ZNF787: variants seen among roughly 807,000 people sequenced by gnomAD.
ZNF787 encodes zinc finger protein 787.
Under a neutral mutation model 16.9 loss-of-function variants are expected in ZNF787, and 7 were observed. That is an observed-to-expected ratio of 0.42 (90% CI 0.24 to 0.78). The LOEUF (loss-of-function observed/expected upper bound fraction) is 0.78, where lower values mean the gene tolerates loss of function less well. ZNF787 is among the 30% of genes least tolerant of loss of function. The pLI is 0.30. For missense variants in ZNF787, 551 were observed against 589.3 expected (o/e 0.94, Z 0.67); for synonymous variants, 345 against 270.9 (o/e 1.27, Z -2.69).
At chr19:56,098,606 T>C (rs1985963780) in intron 2 of ZNF787, among the ~76,000 whole-genome samples, 1 of 140,958 alleles carries the variant, frequency 7.1e-6, no homozygotes, top group Admixed American at 6.9e-5. Context: ...CGCAGGGTGA[T>C]GCCGCCCGGG....
Position 56,088,115 on chromosome 19 carries a change from T to C in ZNF787, c.1057A>G (p.Ser353Gly). Residue 353 changes from serine to glycine, a missense_variant, in exon 3 of 3, where the codon AGC becomes GGC. Coordinates refer to ENST00000610935, the MANE Select transcript of ZNF787 (RefSeq NM_001002836.4). This position sits in a 1 kb window ranked among gnomAD's most constrained non-coding sequence, Gnocchi z 8.6. The part of the protein sequence containing the change: ...APSVCSSCGQ[S>G]YYRAGGEEED... Reference sequence around the variant, plus strand: ...TCCTCCCCGCCCGCGCGGTAGTAGCTCTGTCCGCAGCTGCTGCAGACCGAG... The same window carrying C: ...TCCTCCCCGCCCGCGCGGTAGTAGCCCTGTCCGCAGCTGCTGCAGACCGAG... 6.5e-7 allele frequency: 1 copy of C among 1,537,320 alleles called. No individual in the cohort carries two copies. Among genetic ancestry groups the C allele is most frequent in the Non-Finnish European group, 8.7e-7 (1 of 1,148,392 alleles).
At chr19:56,118,877 T>C (rs144687439) in intron 1 of ZNF787, among the ~76,000 whole-genome samples, 43 of 152,272 alleles carry the variant, frequency 2.8e-4, no homozygotes, top group African/African-American at 7.7e-4. Context: ...GGCCTTGAGC[T>C]GTGACCCCTG....
intron 1 of ZNF787, among the ~76,000 whole-genome samples, chr19:56,111,510 G>A (rs1395720249): frequency 6.6e-6 from 1 of 152,164 alleles, no homozygotes; most frequent in East Asian, 1.9e-4. Context: ...GAGACCTCCA[G>A]GAAAGGAAGA....
intron 1 of ZNF787, among the ~76,000 whole-genome samples, chr19:56,104,888 A>C (rs894239234): frequency 6.6e-6 from 1 of 151,626 alleles, no homozygotes; most frequent in African/African-American, 2.4e-5. Flanking sequence ...CAGCACTTTG[A>C]GAGGCCAAAG....
intron 2 of ZNF787, among the ~76,000 whole-genome samples, chr19:56,093,062 C>T (rs535636495): frequency 1.1e-4 from 17 of 151,110 alleles, no homozygotes; most frequent in Admixed American, 9.9e-4. Context: ...AGTGGGCTAC[C>T]CCATAGACAC....
intron 1 of ZNF787, among the ~76,000 whole-genome samples, chr19:56,120,081 T>A (rs1237208773): frequency 6.6e-6 from 1 of 152,150 alleles, no homozygotes; most frequent in Non-Finnish European, 1.5e-5. Context: ...GACCTCTCCA[T>A]CAGGGGTCTG....
chr19:56,091,205 G>A (rs1002853429), intron 2 of ZNF787, among the ~76,000 whole-genome samples: 4 of 152,244 alleles, frequency 2.6e-5, no homozygotes, highest in Non-Finnish European at 4.4e-5. Context: ...GCAGGAAAGA[G>A]ATTTGTTGTC....
In ZNF787 at chr19:56,087,810, GGGGGCAGAGTCTC is replaced by G. The variant is rs1985345533; in HGVS notation, c.*200_*212del. 1.3e-6 allele frequency: 1 copy of G among 741,908 alleles called. No individual in the cohort carries two copies. Among genetic ancestry groups the G allele is most frequent in the Non-Finnish European group, 1.8e-6 (1 of 547,758 alleles). 46.0% of individuals were successfully genotyped at this position (741,908 alleles called of 1,614,324 possible). A position where few individuals can be genotyped will look rare whatever the true frequency, so the allele number is the denominator to read the frequency against. On this transcript the variant is annotated 3_prime_UTR_variant, in exon 3 of 3. Transcript: ENST00000610935. ...ACTTAGGAAGGGCGGGCCAGGCTGAGGGGGCAGAGTCTCGAGGCGGAGAAGTGAACGGGCCCTA... is the reference window on the plus strand; with the variant it reads ...ACTTAGGAAGGGCGGGCCAGGCTGAGGAGGCGGAGAAGTGAACGGGCCCTA...
intron 2 of ZNF787, among the ~76,000 whole-genome samples, chr19:56,092,341 T>TGGC (rs1985638385): frequency 2.0e-5 from 3 of 152,148 alleles, no homozygotes; most frequent in African/African-American, 7.2e-5. Context: ...ATCACTGTCC[T>TGGC]CTCACTGAAG....
rs2123439574 is a variant in ZNF787, at chr19:56,121,294, G to C, written c.-133C>G. 6.9e-6 allele frequency: 1 copy of C among 145,958 alleles called. No individual in the cohort carries two copies. Among genetic ancestry groups the C allele is most frequent in the Non-Finnish European group, 1.5e-5 (1 of 66,478 alleles). The allele number at this position is 145,958 out of a possible 1,614,324, so 9.0% of individuals were successfully genotyped here. ...AGGGGGACGGGCGCCCAGGCCGGAAGTGACCTTCCCGGCCGCTTCCGCCCG... is the reference window on the plus strand; with the variant it reads ...AGGGGGACGGGCGCCCAGGCCGGAACTGACCTTCCCGGCCGCTTCCGCCCG... On this transcript the variant is annotated 5_prime_UTR_variant, in exon 1 of 3. Transcript: ENST00000610935.
At chr19:56,119,020 C>G (rs930475959) in intron 1 of ZNF787, among the ~76,000 whole-genome samples, 1 of 152,176 alleles carries the variant, frequency 6.6e-6, no homozygotes, top group African/African-American at 2.4e-5. Context: ...TCAGAGCTCC[C>G]GGGAGCACTC....
chr19:56,117,771 G>A (rs2030180366), intron 1 of ZNF787, among the ~76,000 whole-genome samples: 1 of 152,236 alleles, frequency 6.6e-6, no homozygotes, highest in Admixed American at 6.5e-5. Context: ...CTGTGCACTT[G>A]AGGGCGGGGC....
chr19:56,095,596 C>A (rs1985840781), intron 2 of ZNF787, among the ~76,000 whole-genome samples: 1 of 152,224 alleles, frequency 6.6e-6, no homozygotes, highest in African/African-American at 2.4e-5. Context: ...TCCCCACTGT[C>A]ATCAGGACCT....
Position 56,087,941 on chromosome 19 carries a change from TCC to T in ZNF787, c.*80_*81del. On this transcript the variant is annotated 3_prime_UTR_variant, in exon 3 of 3. Coordinates refer to ENST00000610935, the MANE Select transcript of ZNF787 (RefSeq NM_001002836.4). ...GGGTCCATCGCACCCCGTCCGCTTC[TCC>T]CTGGGTCTCTTGGTCTTGCACGTCG... 3.1e-6 allele frequency: 4 copies of T among 1,289,274 alleles called. No individual in the cohort carries two copies. Among genetic ancestry groups the T allele is most frequent in the Non-Finnish European group, 3.9e-6 (4 of 1,019,746 alleles). 79.9% of individuals were successfully genotyped at this position (1,289,274 alleles called of 1,614,324 possible). A position where few individuals can be genotyped will look rare whatever the true frequency, so the allele number is the denominator to read the frequency against.
intron 2 of ZNF787, among the ~76,000 whole-genome samples, chr19:56,090,787 A>C (rs1373701267): frequency 6.6e-6 from 1 of 152,238 alleles, no homozygotes; most frequent in African/African-American, 2.4e-5. Flanking sequence ...ACACCACTGC[A>C]TTCCAGCCTG....
chr19:56,103,366 G>A, intron 1 of ZNF787, 139 bp from the exon 2 acceptor site: 1 of 681,468 alleles, frequency 1.5e-6, no homozygotes, highest in East Asian at 2.9e-5. Context: ...ACCTACCCCA[G>A]GACACCGAGA....
Position 56,087,894 on chromosome 19 carries a change from GCGGGGAGC to G in ZNF787, c.*121_*128del, listed in dbSNP as rs879732906. 1.0e-4 allele frequency: 129 copies of G among 1,267,218 alleles called. No homozygotes were observed. In the African/African-American group the frequency reaches 1.7e-3, roughly 17 times the overall value. The allele number at this position is 1,267,218 out of a possible 1,614,324, so 78.5% of individuals were successfully genotyped here. On this transcript the variant is annotated 3_prime_UTR_variant, in exon 3 of 3. Coordinates refer to ENST00000610935, the MANE Select transcript of ZNF787 (RefSeq NM_001002836.4). ...ACGGACGGCGCAGGGACAGAGGAGG[GCGGGGAGC>G]CGGGGATGCCGCGGGGTCCATCGCA...
At chr19:56,111,264 G>A (rs544872011) in intron 1 of ZNF787, among the ~76,000 whole-genome samples, 13 of 152,198 alleles carry the variant, frequency 8.5e-5, no homozygotes, top group Non-Finnish European at 1.9e-4. Flanking sequence ...CCAGGAGGGA[G>A]GGGCAGGCAG....
At chr19:56,112,082 G>C (rs569287351) in intron 1 of ZNF787, among the ~76,000 whole-genome samples, 1 of 152,128 alleles carries the variant, frequency 6.6e-6, no homozygotes. Context: ...ACCTCATGGC[G>C]GGGGCATGGG....
Sources: allele counts gnomAD v4.1 joint callset (sites outside exome capture counted in the v4.1 genomes callset), GRCh38; gene constraint gnomAD v4.1.1; non-coding constraint Gnocchi (gnomAD v3.1); transcripts MANE v1.5; gene names NCBI Gene and HGNC (gene_info 2026-07-23, HGNC 2026-07-21).